The following SAMD5 variants were observed in gnomAD, a reference collection of about 807,000 sequenced individuals.
The protein encoded by SAMD5 is sterile alpha motif domain containing 5, also known as sterile alpha motif domain-containing protein 5.
SAMD5 carries 13 observed loss-of-function variants against 11.3 expected under a neutral mutation model. The observed-to-expected ratio is 1.15, with a 90% CI of 0.75 to 1.83. The LOEUF is 1.83. SAMD5 is among the 40% of genes most tolerant of loss of function. The probability of loss-of-function intolerance (pLI) is 0.00; values close to 1 mark genes in which losing one functional copy is unlikely to be tolerated. For missense variants in SAMD5, 255 were observed against 239.1 expected, an observed-to-expected ratio of 1.07 and a Z score of -0.44; for synonymous variants, 129 against 111.3, an observed-to-expected ratio of 1.16 and a Z score of -1.00.
At chr6:147,642,176 T>C (rs1435196642) in intron 1 of SAMD5, among the ~76,000 whole-genome samples, 2 of 152,366 alleles carry the variant, frequency 1.3e-5, no homozygotes, top group Middle Eastern at 3.4e-3. Context: ...GTAAGAATGT[T>C]TGTGGCATTT....
chr6:147,680,671 GAGA>G (rs1790928500), intron 1 of SAMD5, among the ~76,000 whole-genome samples: 1 of 152,008 alleles, frequency 6.6e-6, no homozygotes, highest in Non-Finnish European at 1.5e-5. Flanking sequence ...TCATCAGGTT[GAGA>G]AGGTTTTCTT....
intron 1 of SAMD5, among the ~76,000 whole-genome samples, chr6:147,593,941 AACATGGTGAAACCCCGTCTGT>A (rs1789492125): frequency 6.6e-6 from 1 of 152,174 alleles, no homozygotes; most frequent in Admixed American, 6.5e-5. Context: ...CAGCCTGGCC[AACATGGTGAAACCCCGTCTGT>A]ACTAAAAATA....
the SAMD5 span, among the ~76,000 whole-genome samples, chr6:147,808,157 A>T: frequency 3.9e-5 from 6 of 152,200 alleles, no homozygotes; most frequent in Non-Finnish European, 8.8e-5. Context: ...TGGGAGGCCA[A>T]CCACTGAACA....
At chr6:147,603,280 A>T (rs1331427294) in intron 1 of SAMD5, among the ~76,000 whole-genome samples, 3 of 152,198 alleles carry the variant, frequency 2.0e-5, no homozygotes, top group South Asian at 2.1e-4. Flanking sequence ...CAGATATATT[A>T]CCCAGTATAA....
At chr6:147,792,647 A>T in the SAMD5 span, among the ~76,000 whole-genome samples, 13 of 152,188 alleles carry the variant, frequency 8.5e-5, no homozygotes, top group Admixed American at 8.5e-4. Flanking sequence ...GGAATCAAGG[A>T]TCCCTGAAGA....
the SAMD5 span, among the ~76,000 whole-genome samples, chr6:147,806,311 C>T: frequency 1.8e-4 from 22 of 124,884 alleles, no homozygotes; most frequent in African/African-American, 5.8e-4. Flanking sequence ...CATGCGCGCG[C>T]GCGCGCGCAC....
intron 1 of SAMD5, among the ~76,000 whole-genome samples, chr6:147,698,035 A>G (rs778618543): frequency 5.3e-5 from 8 of 152,180 alleles, no homozygotes; most frequent in Non-Finnish European, 1.0e-4. Context: ...GATTCTCATA[A>G]GGAGCACACA....
At chr6:147,637,858 C>A (rs540127268) in intron 1 of SAMD5, among the ~76,000 whole-genome samples, 2 of 119,156 alleles carry the variant, frequency 1.7e-5, no homozygotes, top group Non-Finnish European at 3.4e-5. Flanking sequence ...AAAGCAAGTT[C>A]GGTTTTTTTT....
intron 1 of SAMD5, among the ~76,000 whole-genome samples, chr6:147,721,918 T>C (rs1791557643): frequency 1.3e-5 from 2 of 152,230 alleles, no homozygotes; most frequent in African/African-American, 4.8e-5. Flanking sequence ...CATATATGAA[T>C]GTTTATGATG....
At chr6:147,600,793 T>C (rs1185464741) in intron 1 of SAMD5, among the ~76,000 whole-genome samples, 1 of 152,144 alleles carries the variant, frequency 6.6e-6, no homozygotes, top group African/African-American at 2.4e-5. Flanking sequence ...AAGCAGAAAG[T>C]GTGAGAACAA....
chr6:147,510,113 A>G (rs1211308099), intron 1 of SAMD5, among the ~76,000 whole-genome samples: 1 of 152,218 alleles, frequency 6.6e-6, no homozygotes, highest in Non-Finnish European at 1.5e-5. Context: ...GATAAGATGA[A>G]GTAGGTACAA....
the SAMD5 span, among the ~76,000 whole-genome samples, chr6:147,791,600 C>CT: frequency 6.6e-6 from 1 of 151,936 alleles, no homozygotes; most frequent in Non-Finnish European, 1.5e-5. Context: ...TTATTATTGC[C>CT]TATTTTATTG....
intron 1 of SAMD5, among the ~76,000 whole-genome samples, chr6:147,613,826 C>T (rs1248943905): frequency 6.6e-6 from 1 of 151,762 alleles, no homozygotes; most frequent in African/African-American, 2.4e-5. Context: ...TGCATCTGGG[C>T]CTTAATTAAA....
chr6:147,879,159 CCT>C, the SAMD5 span, among the ~76,000 whole-genome samples: 8 of 152,196 alleles, frequency 5.3e-5, no homozygotes, highest in East Asian at 1.2e-3. Flanking sequence ...GTTACTGCCC[CCT>C]GTTTTGTGCT....
chr6:147,700,789 C>A (rs1206313191), intron 1 of SAMD5, among the ~76,000 whole-genome samples: 2 of 152,158 alleles, frequency 1.3e-5, no homozygotes, highest in African/African-American at 4.8e-5. Flanking sequence ...AGGATAAGGG[C>A]AAATGTGATC....
chr6:147,722,720 A>G (rs942214714), intron 1 of SAMD5, among the ~76,000 whole-genome samples: 2 of 152,070 alleles, frequency 1.3e-5, no homozygotes, highest in Admixed American at 6.6e-5. Context: ...TGCTTTTTTT[A>G]TGTGCCTTGT....
the SAMD5 span, among the ~76,000 whole-genome samples, chr6:147,915,771 C>T: frequency 6.6e-6 from 1 of 152,146 alleles, no homozygotes; most frequent in East Asian, 1.9e-4. Flanking sequence ...TATTATTATA[C>T]TTCAAGTTCT....
chr6:147,773,316 G>T, the SAMD5 span, among the ~76,000 whole-genome samples: 1 of 152,164 alleles, frequency 6.6e-6, no homozygotes, highest in Non-Finnish European at 1.5e-5. Flanking sequence ...TTGAGAACCA[G>T]CCCCATCAGA....
intron 1 of SAMD5, among the ~76,000 whole-genome samples, chr6:147,525,545 A>G (rs1055871348): frequency 2.0e-5 from 3 of 151,956 alleles, no homozygotes; most frequent in Non-Finnish European, 4.4e-5. Context: ...TACAAGGGTA[A>G]TGACTGTAAC....
Sources: allele counts gnomAD v4.1 joint callset (sites outside exome capture counted in the v4.1 genomes callset), GRCh38; gene constraint gnomAD v4.1.1; transcripts MANE v1.5; gene names NCBI Gene and HGNC (gene_info 2026-07-23, HGNC 2026-07-21).